SNTG1: variants seen among roughly 807,000 people sequenced by gnomAD.
SNTG1 encodes syntrophin gamma 1, also known as gamma-1-syntrophin.
A neutral mutation model predicts 74.7 loss-of-function variants in SNTG1; 39 were observed. The ratio of observed to expected loss-of-function variants is 0.52; its 90% CI spans 0.40 to 0.68. The LOEUF is 0.68. SNTG1 is among the 30% of genes least tolerant of loss of function. The pLI, the probability that SNTG1 is intolerant of heterozygous loss-of-function variation, is 0.00. For missense variants in SNTG1, 685 were observed against 609.5 expected, an observed-to-expected ratio of 1.12 and a Z score of -1.30; for synonymous variants, 254 against 217.1, an observed-to-expected ratio of 1.17 and a Z score of -1.49.
At chr8:50,566,362 G>C (rs2094516862) in intron 12 of SNTG1, among the ~76,000 whole-genome samples, 1 of 151,932 alleles carries the variant, frequency 6.6e-6, no homozygotes, top group Admixed American at 6.6e-5. Flanking sequence ...AAATGATGAT[G>C]TTATCAGCAG....
At position 50,553,014 on chromosome 8, in the gene SNTG1, T is replaced by A. The variant is rs777101867; in HGVS notation, c.681-36T>A. 3.7e-6 allele frequency: 6 copies of A among 1,610,126 alleles called. No individual in the cohort carries two copies. The Admixed American group carries it at 1.0e-4, about 27-fold the overall frequency. ...ACGAGCTGCAAATAGATCAATGACA[T>A]GAGGTTTTGATCTGATTTGTTCTGA... On this transcript the variant is annotated intron_variant, in intron 11 of 18. Transcript: ENST00000642720.
At chr8:50,682,950 G>A (rs1225120251) in intron 15 of SNTG1, among the ~76,000 whole-genome samples, 1 of 152,056 alleles carries the variant, frequency 6.6e-6, no homozygotes. Flanking sequence ...TTCCTATTAT[G>A]CTTTATAAAT....
intron 8 of SNTG1, among the ~76,000 whole-genome samples, chr8:50,484,104 CTT>C (rs2093764214): frequency 2.7e-4 from 19 of 70,784 alleles, no homozygotes; most frequent in African/African-American, 1.2e-3. Flanking sequence ...TTCTTTCTCT[CTT>C]TCTTTCTTTC....
At chr8:50,493,309 C>T (rs986876787) in intron 8 of SNTG1, among the ~76,000 whole-genome samples, 4 of 152,106 alleles carry the variant, frequency 2.6e-5, no homozygotes, top group African/African-American at 7.2e-5. Flanking sequence ...TGAATGGATG[C>T]CTTACATATT....
At chr8:50,568,612 C>T (rs1327475189) in intron 12 of SNTG1, among the ~76,000 whole-genome samples, 1 of 151,818 alleles carries the variant, frequency 6.6e-6, no homozygotes, top group Non-Finnish European at 1.5e-5. Context: ...CTTCATATAC[C>T]TCTTGGCCAT....
chr8:50,432,982 G>T (rs2093256455), intron 4 of SNTG1, among the ~76,000 whole-genome samples: 1 of 151,582 alleles, frequency 6.6e-6, no homozygotes, highest in Non-Finnish European at 1.5e-5. Context: ...AGAGATGGGG[G>T]TTTCACCATG....
At chr8:50,325,163 A>G (rs186075259) in intron 2 of SNTG1, among the ~76,000 whole-genome samples, 141 of 151,394 alleles carry the variant, frequency 9.3e-4, no homozygotes, top group Non-Finnish European at 1.2e-3. Context: ...GTGTCAGTCA[A>G]TCCTTCAACT....
chr8:49,965,925 C>A (rs1386148417), intron 1 of SNTG1, among the ~76,000 whole-genome samples: 2 of 152,048 alleles, frequency 1.3e-5, no homozygotes, highest in Non-Finnish European at 2.9e-5. Context: ...AAAGGGAGTC[C>A]ATTTTTGAGT....
chr8:50,030,532 G>A (rs1046223608), intron 1 of SNTG1, among the ~76,000 whole-genome samples: 24 of 151,800 alleles, frequency 1.6e-4, no homozygotes, highest in African/African-American at 5.6e-4. Context: ...TATGGTATAA[G>A]GTTTAATTAT....
chr8:50,450,814 AT>A (rs1198167620), intron 8 of SNTG1, 85 bp downstream of exon 8: 2 of 1,306,030 alleles, frequency 1.5e-6, no homozygotes, highest in African/African-American at 2.9e-5. Flanking sequence ...CACTTCATTC[AT>A]TAGGCAGATA....
intron 1 of SNTG1, among the ~76,000 whole-genome samples, chr8:50,115,851 T>A (rs568700541): frequency 3.7e-4 from 56 of 152,206 alleles, no homozygotes; most frequent in African/African-American, 1.3e-3. Flanking sequence ...TCCTTCATCA[T>A]TCATTGAAAA....
intron 1 of SNTG1, among the ~76,000 whole-genome samples, chr8:50,021,170 G>A (rs1563483051): frequency 6.6e-6 from 1 of 152,140 alleles, no homozygotes; most frequent in Non-Finnish European, 1.5e-5. Flanking sequence ...CAATAAAACT[G>A]GCTCTGGCAA....
chr8:50,696,487 G>T (rs1033734299), intron 15 of SNTG1, among the ~76,000 whole-genome samples: 2 of 151,572 alleles, frequency 1.3e-5, no homozygotes, highest in Non-Finnish European at 3.0e-5. Flanking sequence ...TCCTATGTTT[G>T]CTTTGAGGAC....
At chr8:50,037,615 C>A (rs1367680400) in intron 1 of SNTG1, among the ~76,000 whole-genome samples, 1 of 152,126 alleles carries the variant, frequency 6.6e-6, no homozygotes, top group Admixed American at 6.6e-5. Context: ...TTAAAAGAAG[C>A]AATGATGTAA....
chr8:50,659,855 T>C (rs1287090074), intron 15 of SNTG1, among the ~76,000 whole-genome samples: 1 of 152,210 alleles, frequency 6.6e-6, no homozygotes, highest in Non-Finnish European at 1.5e-5. Context: ...TTTCTTTTTT[T>C]TGGAGATGGA....
chr8:49,989,473 A>G (rs1156539721), intron 1 of SNTG1, among the ~76,000 whole-genome samples: 1 of 152,010 alleles, frequency 6.6e-6, no homozygotes, highest in African/African-American at 2.4e-5. Context: ...CCAACAAATT[A>G]AAGTCCAGGT....
At chr8:50,438,163 C>T (rs146395557) in intron 4 of SNTG1, among the ~76,000 whole-genome samples, 118 of 152,178 alleles carry the variant, frequency 7.8e-4, no homozygotes, top group Non-Finnish European at 1.3e-3. Context: ...ATCATATTTA[C>T]CATTGCCTCT....
rs1462668972 is a variant in SNTG1, at chr8:50,544,300, G to GT, written c.680+7498dup. Among the ~76,000 whole-genome samples the GT allele has an allele frequency of 5.3e-5, 8 of 151,824 alleles. 1 individual carries two copies. In the East Asian group the frequency reaches 1.2e-3, roughly 22 times the overall value. ...AACTTTAAGACCCCTTAATTCCTTT[G>GT]TTTTTTCTTATCTTTGGGCATATTT... On this transcript the variant is annotated intron_variant, in intron 11 of 18. Transcript: ENST00000642720.
At chr8:50,074,748 C>T (rs1270736025) in intron 1 of SNTG1, among the ~76,000 whole-genome samples, 1 of 152,194 alleles carries the variant, frequency 6.6e-6, no homozygotes, top group African/African-American at 2.4e-5. Context: ...CCTAGGTGCC[C>T]ACTCTGGCCG....
Sources: gnomAD v4.1 joint callset for allele counts (sites outside exome capture counted in the v4.1 genomes callset) on GRCh38, gnomAD v4.1.1 for gene constraint, MANE v1.5 for transcripts, NCBI Gene and HGNC (gene_info 2026-07-23, HGNC 2026-07-21) for gene names.